The following ERCC6L2 variants were observed in gnomAD, a reference collection of about 807,000 sequenced individuals.
ERCC6L2 encodes the protein DNA excision repair protein ERCC-6-like 2.
A neutral mutation model predicts 132.0 loss-of-function variants in ERCC6L2; 77 were observed. That is an observed-to-expected ratio of 0.58 (90% CI 0.49 to 0.71). ERCC6L2 has a LOEUF of 0.71. Among genes scored for constraint, ERCC6L2 ranks in the 30% least tolerant of loss-of-function variants. The probability of loss-of-function intolerance (pLI) is 0.00; values close to 1 mark genes in which losing one functional copy is unlikely to be tolerated. For synonymous variants in ERCC6L2, 583 were observed against 632.4 expected (o/e 0.92, Z 1.17); for missense variants, 1,542 against 1,837.6 (o/e 0.84, Z 2.94).
chr9:95,914,495 A>G (rs1471173265), intron 4 of ERCC6L2, among the ~76,000 whole-genome samples: 1 of 152,130 alleles, frequency 6.6e-6, no homozygotes, highest in Non-Finnish European at 1.5e-5. Flanking sequence ...CCGGGACTAC[A>G]GGCACACGCC....
intron 19 of ERCC6L2, among the ~76,000 whole-genome samples, chr9:96,031,744 T>C (rs546269494): frequency 6.6e-6 from 1 of 152,166 alleles, no homozygotes; most frequent in East Asian, 1.9e-4. Context: ...CTTCCCACCA[T>C]CCCTGGGGAC....
intron 17 of ERCC6L2, among the ~76,000 whole-genome samples, chr9:95,986,905 C>T (rs1339573877): frequency 6.6e-6 from 1 of 152,180 alleles, no homozygotes; most frequent in Non-Finnish European, 1.5e-5. Flanking sequence ...ACTCACAGTT[C>T]CACATGGCTG....
At chr9:96,007,797 A>G (rs921497630) in intron 18 of ERCC6L2, among the ~76,000 whole-genome samples, 2 of 152,166 alleles carry the variant, frequency 1.3e-5, no homozygotes, top group Non-Finnish European at 2.9e-5. Context: ...GGCCAGTGGT[A>G]ATGGATGACA....
chr9:96,038,955 A>T (rs550595843), exon 20 of ERCC6L2: 1 of 456,232 alleles, frequency 2.2e-6, no homozygotes, highest in South Asian at 1.5e-5. Flanking sequence ...CCATATGGAG[A>T]GCCCACATGG....
chr9:96,022,521 G>A (rs1834308707), downstream of ERCC6L2, among the ~76,000 whole-genome samples: 1 of 152,130 alleles, frequency 6.6e-6, no homozygotes, highest in South Asian at 2.1e-4. Context: ...TGTAAGCAAC[G>A]GAGTAATTCA....
intron 13 of ERCC6L2, among the ~76,000 whole-genome samples, chr9:95,959,003 T>C (rs1333418489): frequency 6.6e-6 from 1 of 151,552 alleles, no homozygotes; most frequent in Non-Finnish European, 1.5e-5. Flanking sequence ...CCAATGACTT[T>C]CTTCACAGAA....
chr9:95,900,058 T>C (rs1303296983), intron 3 of ERCC6L2, among the ~76,000 whole-genome samples: 11 of 152,132 alleles, frequency 7.2e-5, no homozygotes, highest in Non-Finnish European at 1.5e-5. Context: ...ATTTTCAGTC[T>C]TTTTGTATTC....
At chr9:95,953,293 G>T (rs962232335) in intron 12 of ERCC6L2, among the ~76,000 whole-genome samples, 4 of 152,072 alleles carry the variant, frequency 2.6e-5, no homozygotes, top group African/African-American at 7.2e-5. Flanking sequence ...AAACAACAAT[G>T]AGGCCGGTTG....
chr9:95,903,835 T>A (rs1828898336), intron 3 of ERCC6L2, among the ~76,000 whole-genome samples: 1 of 152,024 alleles, frequency 6.6e-6, no homozygotes, highest in African/African-American at 2.4e-5. Context: ...AATTGGAATC[T>A]TTGCTAGAAA....
chr9:95,880,491 G>A (rs1827531482), intron 1 of ERCC6L2, among the ~76,000 whole-genome samples: 2 of 152,236 alleles, frequency 1.3e-5, no homozygotes, highest in Admixed American at 6.5e-5. Flanking sequence ...CTGGCTGTGC[G>A]TCAGAATGAT....
At chr9:95,979,945 TA>T (rs1832826772) in intron 17 of ERCC6L2, among the ~76,000 whole-genome samples, 2 of 152,280 alleles carry the variant, frequency 1.3e-5, no homozygotes, top group South Asian at 4.2e-4. Context: ...AAACAAATTT[TA>T]ATGTGAAAGG....
chr9:95,883,155 A>G (rs1471828573), intron 2 of ERCC6L2, among the ~76,000 whole-genome samples: 1 of 152,232 alleles, frequency 6.6e-6, no homozygotes, highest in Admixed American at 6.5e-5. Flanking sequence ...GAATTCAGAC[A>G]GTGAGACACC....
At chr9:95,883,731 G>A (rs1380957112) in intron 2 of ERCC6L2, among the ~76,000 whole-genome samples, 3 of 152,308 alleles carry the variant, frequency 2.0e-5, no homozygotes, top group Admixed American at 6.5e-5. Context: ...GGTGGCCCAC[G>A]CCTGTAGTCC....
rs1014479505 is a variant in ERCC6L2, at chr9:95,913,480, TTC to T, written c.789-2182_789-2181del. Among the ~76,000 whole-genome samples, 14 of 152,274 alleles carry T rather than the reference TTC, an allele frequency of 9.2e-5. 1 individual carries two copies. In the Middle Eastern group the frequency reaches 0.024, roughly 259 times the overall value. On this transcript the variant is annotated intron_variant, in intron 4 of 18. Coordinates refer to ENST00000653738, the MANE Select transcript of ERCC6L2 (RefSeq NM_020207.7). The stretch of plus-strand genomic sequence containing the variant: ...TTGCCCGCTTGCTTGCTTTCTCTCT[TTC>T]TCTCTTTCTTTCTTTCTGAATATTG...
chr9:95,894,218 G>A (rs1052245427), intron 2 of ERCC6L2, among the ~76,000 whole-genome samples: 2 of 152,060 alleles, frequency 1.3e-5, no homozygotes, highest in Non-Finnish European at 2.9e-5. Flanking sequence ...AACAATGATT[G>A]TATGGGTACT....
chr9:95,905,784 A>G (rs1829003759), intron 3 of ERCC6L2, among the ~76,000 whole-genome samples: 1 of 152,186 alleles, frequency 6.6e-6, no homozygotes, highest in African/African-American at 2.4e-5. Context: ...TTGACTTTTT[A>G]GAGTTGACAA....
intron 17 of ERCC6L2, among the ~76,000 whole-genome samples, chr9:95,979,346 C>T (rs1832799585): frequency 6.6e-6 from 1 of 152,108 alleles, no homozygotes; most frequent in African/African-American, 2.4e-5. Context: ...AATGGGGAGG[C>T]ACTCCCATAT....
intron 3 of ERCC6L2, chr9:95,906,501 T>G: frequency 2.8e-6 from 1 of 357,108 alleles, no homozygotes; most frequent in Non-Finnish European, 5.5e-6. Context: ...GGGCAAAATA[T>G]ATGGAAATGA....
chr9:95,915,722 AG>A lies in ERCC6L2; in HGVS notation c.844del (p.Ala282LeufsTer3). On this transcript the variant is annotated frameshift_variant, in exon 5 of 19. Coordinates refer to ENST00000653738, the MANE Select transcript of ERCC6L2 (RefSeq NM_020207.7). LOFTEE classifies it high-confidence loss of function. ...AAGCTCATAGAATCAAGAATCCAAA[AG>A]CTAGAGTAACAGAAGTTATGAAAGC... Reference protein sequence around the residue: ...DEAHRIKNPKARVTEVMKALK... With the variant: ...DEAHRIKNPKXRVTEVMKALK... 6.2e-7 allele frequency: 1 copy of A among 1,614,022 alleles called. No individual in the cohort carries two copies. The highest frequency in any genetic ancestry group is 8.5e-7 in the Non-Finnish European group (1 of 1,179,898).
Sources: allele counts gnomAD v4.1 joint callset (sites outside exome capture counted in the v4.1 genomes callset), GRCh38; gene constraint gnomAD v4.1.1; transcripts MANE v1.5; gene names NCBI Gene and HGNC (gene_info 2026-07-23, HGNC 2026-07-21).